The following ARHGAP22 variants were observed in gnomAD, a reference collection of about 807,000 sequenced individuals.
ARHGAP22 encodes the protein Rho GTPase activating protein 22, also known as rho GTPase-activating protein 22.
Under a neutral mutation model 59.1 loss-of-function variants are expected in ARHGAP22, and 48 were observed. That is an observed-to-expected ratio of 0.81 (90% CI 0.64 to 1.03). The LOEUF is 1.03. ARHGAP22 is among the 50% of genes least tolerant of loss of function. The pLI is 0.00. For synonymous variants in ARHGAP22, 445 were observed against 416.4 expected (o/e 1.07, Z -0.84); for missense variants, 1,015 against 958.7 (o/e 1.06, Z -0.78).
intron 4 of ARHGAP22, among the ~76,000 whole-genome samples, chr10:48,466,112 T>C (rs1458111213): frequency 1.3e-5 from 2 of 152,032 alleles, no homozygotes; most frequent in African/African-American, 4.8e-5. Context: ...CCCTGGGCAG[T>C]CCACCCCAGG....
chr10:48,583,163 AG>A lies in ARHGAP22; in HGVS notation c.35-12del. The A allele has an allele frequency of 6.2e-7, 1 of 1,612,478 alleles. No homozygotes were observed. Among genetic ancestry groups the A allele is most frequent in the Non-Finnish European group, 8.5e-7 (1 of 1,179,264 alleles). ...GGCTTTTGGAGCGGGCTGAAAGCCA[AG>A]GACACACAGAGTGAGCATGAAGGCA... On this transcript the variant is annotated splice_polypyrimidine_tract_variant and intron_variant, in intron 1 of 9. Transcript: ENST00000249601.
intron 2 of ARHGAP22, among the ~76,000 whole-genome samples, chr10:48,575,981 G>T (rs574968336): frequency 6.6e-6 from 1 of 152,314 alleles, no homozygotes; most frequent in East Asian, 1.9e-4. Flanking sequence ...GGGCTCTGAT[G>T]GCCAAGTATA....
chr10:48,554,534 C>T lies in ARHGAP22; in HGVS notation c.322+929G>A, dbSNP rs1392048216. Among the ~76,000 whole-genome samples, 3 of 152,222 alleles carry T rather than the reference C, an allele frequency of 2.0e-5. 1 individual carries two copies. The highest frequency in any genetic ancestry group is 2.0e-4 in the Admixed American group (3 of 15,286). ...CTCAGCACTCACTGTTCCCATCACG[C>T]TGCCAGTGGTCTCCTTCCTCAAGCA... On this transcript the variant is annotated intron_variant, in intron 3 of 9. Transcript: ENST00000249601.
intron 2 of ARHGAP22, among the ~76,000 whole-genome samples, chr10:48,556,308 T>C (rs1313611083): frequency 6.6e-6 from 1 of 151,680 alleles, no homozygotes; most frequent in Non-Finnish European, 1.5e-5. Context: ...AGGGTCGAGA[T>C]GCCAGATTCC....
chr10:48,513,555 T>C (rs550824317), intron 3 of ARHGAP22, among the ~76,000 whole-genome samples: 1 of 152,322 alleles, frequency 6.6e-6, no homozygotes, highest in Non-Finnish European at 1.5e-5. Context: ...TGACAAATCA[T>C]TGGCTGACCA....
At chr10:48,593,456 A>C (rs1263804669) in intron 1 of ARHGAP22, among the ~76,000 whole-genome samples, 2 of 152,230 alleles carry the variant, frequency 1.3e-5, no homozygotes, top group Non-Finnish European at 2.9e-5. Flanking sequence ...CTATACATAC[A>C]TATCTATGAC....
chr10:48,605,195 G>A, upstream of ARHGAP22: 1 of 1,080,780 alleles, frequency 9.3e-7, no homozygotes, highest in Non-Finnish European at 1.1e-6. Flanking sequence ...GCGCGGTCCT[G>A]GCCCGGGAGA....
intron 1 of ARHGAP22, among the ~76,000 whole-genome samples, chr10:48,649,521 T>A (rs1477551420): frequency 6.6e-6 from 1 of 152,186 alleles, no homozygotes; most frequent in Non-Finnish European, 1.5e-5. Flanking sequence ...GCCACCGTCT[T>A]TCTCTCCACT....
rs545761884 is a variant in ARHGAP22 at position 48,564,284 on chromosome 10, C to T, written c.235-8734G>A. Among the ~76,000 whole-genome samples the T allele has an allele frequency of 7.9e-5, 12 of 152,254 alleles. No homozygotes were observed. The South Asian group carries it at 1.9e-3, about 24-fold the overall frequency. On this transcript the variant is annotated intron_variant, in intron 2 of 9. Transcript: ENST00000249601. ...ACTTGTTCATCTGTCAACAGAGGAACGGTTAAATCATTTCTGGTAAGGCCA... is the reference window on the plus strand; with the variant it reads ...ACTTGTTCATCTGTCAACAGAGGAATGGTTAAATCATTTCTGGTAAGGCCA...
At chr10:48,492,183 C>T (rs2050467372) in intron 3 of ARHGAP22, among the ~76,000 whole-genome samples, 1 of 152,186 alleles carries the variant, frequency 6.6e-6, no homozygotes, top group South Asian at 2.1e-4. Context: ...CCATTATGTT[C>T]AGGTGAAAAA....
chr10:48,490,741 C>A (rs530365697), intron 3 of ARHGAP22, among the ~76,000 whole-genome samples: 1 of 152,310 alleles, frequency 6.6e-6, no homozygotes, highest in East Asian at 1.9e-4. Flanking sequence ...CGTTCTCAGG[C>A]GTTAAATGCT....
At chr10:48,602,387 T>G (rs138744386) in intron 1 of ARHGAP22, among the ~76,000 whole-genome samples, 9 of 152,220 alleles carry the variant, frequency 5.9e-5, no homozygotes, top group African/African-American at 2.2e-4. Flanking sequence ...CAATTTTATT[T>G]TGAAATATTG....
At chr10:48,451,361 C>T (rs2045929028) in intron 8 of ARHGAP22, 2 of 732,618 alleles carry the variant, frequency 2.7e-6, no homozygotes, top group Non-Finnish European at 4.9e-6. Context: ...TCCTCAGGCA[C>T]AGAGCCGCAA....
intron 3 of ARHGAP22, among the ~76,000 whole-genome samples, chr10:48,522,393 C>A (rs552726317): frequency 6.6e-6 from 1 of 152,364 alleles, no homozygotes; most frequent in East Asian, 1.9e-4. Context: ...AAGCCAGCAG[C>A]TGGCCTTGGG....
At chr10:48,515,950 G>A (rs888715955) in intron 3 of ARHGAP22, among the ~76,000 whole-genome samples, 5 of 151,838 alleles carry the variant, frequency 3.3e-5, no homozygotes, top group Admixed American at 2.0e-4. Context: ...GGAGTTAGAC[G>A]CAGCAGTGAG....
At chr10:48,646,702 G>A (rs1463890396) in intron 1 of ARHGAP22, among the ~76,000 whole-genome samples, 1 of 152,096 alleles carries the variant, frequency 6.6e-6, no homozygotes, top group Non-Finnish European at 1.5e-5. Context: ...ACAACCCTTT[G>A]ACTGTACCTC....
intron 8 of ARHGAP22, chr10:48,451,550 C>T: frequency 1.4e-6 from 1 of 702,442 alleles, no homozygotes; most frequent in African/African-American, 1.7e-5. Context: ...ACTGCCATGC[C>T]TGAATGTCCA....
chr10:48,543,773 A>C (rs926138496), intron 3 of ARHGAP22, among the ~76,000 whole-genome samples: 1 of 152,216 alleles, frequency 6.6e-6, no homozygotes, highest in Admixed American at 6.5e-5. Flanking sequence ...CAACTAAAAA[A>C]TTAAAATCTC....
chr10:48,607,753 C>A (rs2060731948), upstream of ARHGAP22, among the ~76,000 whole-genome samples: 1 of 152,252 alleles, frequency 6.6e-6, no homozygotes, highest in South Asian at 2.1e-4. Flanking sequence ...TGCCTGCCTG[C>A]ACGGTGCTGC....
Sources: allele counts gnomAD v4.1 joint callset (sites outside exome capture counted in the v4.1 genomes callset), GRCh38; gene constraint gnomAD v4.1.1; transcripts MANE v1.5; gene names NCBI Gene and HGNC (gene_info 2026-07-23, HGNC 2026-07-21).